RAB3B: variants seen among roughly 807,000 people sequenced by gnomAD.
RAB3B encodes the protein RAB3B, member RAS oncogene family, also known as ras-related protein Rab-3B.
In RAB3B, 11 loss-of-function variants were observed where a neutral mutation model predicts 20.5. The ratio of observed to expected loss-of-function variants is 0.54; its 90% CI spans 0.34 to 0.89. The LOEUF is 0.89. Ranked by LOEUF, RAB3B falls within the 40% of genes least tolerant of loss-of-function variation. RAB3B has a pLI of 0.02. For synonymous variants in RAB3B, 99 were observed against 106.3 expected (o/e 0.93, Z 0.42); for missense variants, 225 against 280.9 (o/e 0.80, Z 1.42).
chr1:51,954,163 G>A (rs952475628), intron 2 of RAB3B, among the ~76,000 whole-genome samples: 2 of 152,232 alleles, frequency 1.3e-5, no homozygotes, highest in Non-Finnish European at 2.9e-5. Flanking sequence ...TGTTGAGAGT[G>A]CCTGACACGT....
chr1:51,938,677 ATTT>A (rs577123717), intron 2 of RAB3B, among the ~76,000 whole-genome samples: 1 of 143,458 alleles, frequency 7.0e-6, no homozygotes. Context: ...TCTTCATGTA[ATTT>A]TTTTTTTTTT....
At position 51,916,898 on chromosome 1, in the gene RAB3B, C is replaced by T. The variant is rs1684093449; in HGVS notation, c.*3029G>A. 6.6e-6 allele frequency: 1 copy of T among 152,130 alleles called. No individual in the cohort carries two copies. The allele number at this position is 152,130 out of a possible 1,614,324, so 9.4% of individuals were successfully genotyped here. ...CTCCAGTGGACTTGGAATCTGATGG[C>T]CCTGGAATTGAATCCTAATGTGGCT... On this transcript the variant is annotated 3_prime_UTR_variant, in exon 5 of 5. Transcript: ENST00000371655.
chr1:51,916,770 C>T lies in RAB3B; in HGVS notation c.*3157G>A, dbSNP rs970012410. On this transcript the variant is annotated 3_prime_UTR_variant, in exon 5 of 5. Transcript: ENST00000371655. Reference sequence around the variant, plus strand: ...CTACCCAGGCCCATGGGATCTGTTGCCTCAGAGACTGACTCGCCTTTCCTG... The same window carrying T: ...CTACCCAGGCCCATGGGATCTGTTGTCTCAGAGACTGACTCGCCTTTCCTG... 2 of 152,338 alleles carry T rather than the reference C, an allele frequency of 1.3e-5. No homozygotes were observed. Among genetic ancestry groups the T allele is most frequent in the Non-Finnish European group, 2.9e-5 (2 of 68,030 alleles). 9.4% of individuals were successfully genotyped at this position (152,338 alleles called of 1,614,324 possible). A position where few individuals can be genotyped will look rare whatever the true frequency, so the allele number is the denominator to read the frequency against.
chr1:51,984,047 G>A (rs1685121344), intron 1 of RAB3B, among the ~76,000 whole-genome samples: 1 of 151,238 alleles, frequency 6.6e-6, no homozygotes, highest in Non-Finnish European at 1.5e-5. Context: ...GGTGAATCAC[G>A]AGGTCAGGAG....
intron 4 of RAB3B, among the ~76,000 whole-genome samples, chr1:51,930,360 A>G (rs917729179): frequency 1.3e-5 from 2 of 152,256 alleles, no homozygotes; most frequent in Non-Finnish European, 2.9e-5. Context: ...AATTAATGCT[A>G]AACATTTCAC....
At chr1:51,957,828 A>T (rs944098446) in intron 2 of RAB3B, among the ~76,000 whole-genome samples, 2 of 152,196 alleles carry the variant, frequency 1.3e-5, no homozygotes, top group African/African-American at 4.8e-5. Context: ...GCTGGAAGGA[A>T]ATTAAAGGGC....
intron 4 of RAB3B, among the ~76,000 whole-genome samples, chr1:51,925,136 C>T (rs1356642465): frequency 1.3e-5 from 2 of 152,196 alleles, no homozygotes; most frequent in Non-Finnish European, 2.9e-5. Flanking sequence ...ACCAGCTAAA[C>T]TCACCTCTCC....
chr1:51,967,515 C>CTTTTTTTTTTTTTTTTTTTTT (rs67927521), intron 2 of RAB3B, among the ~76,000 whole-genome samples: 3 of 16,434 alleles, frequency 1.8e-4, no homozygotes, highest in Admixed American at 1.2e-3. Flanking sequence ...CTTTTCTTTT[C>CTTTTTTTTTTTTTTTTTTTTT]TTTTTCTTTT....
chr1:51,936,373 T>G (rs962765891), intron 3 of RAB3B, among the ~76,000 whole-genome samples: 2 of 152,172 alleles, frequency 1.3e-5, no homozygotes, highest in African/African-American at 4.8e-5. Flanking sequence ...CTTGATGAAC[T>G]TGGACTGTAT....
At chr1:51,971,064 G>T (rs1052814561) in intron 2 of RAB3B, among the ~76,000 whole-genome samples, 1 of 148,700 alleles carries the variant, frequency 6.7e-6, no homozygotes, top group African/African-American at 2.5e-5. Flanking sequence ...CCCCTTCCAT[G>T]TGGACCCAAA....
At chr1:51,942,521 G>A (rs535941500) in intron 2 of RAB3B, among the ~76,000 whole-genome samples, 3 of 152,176 alleles carry the variant, frequency 2.0e-5, no homozygotes, top group African/African-American at 7.2e-5. Context: ...TAGGCTTCTG[G>A]GTGTGAATCC....
At chr1:51,961,049 T>C (rs1469706823) in intron 2 of RAB3B, among the ~76,000 whole-genome samples, 1 of 152,198 alleles carries the variant, frequency 6.6e-6, no homozygotes, top group Non-Finnish European at 1.5e-5. Context: ...TTCAGAGACA[T>C]TACTTATCAC....
At chr1:51,965,578 C>T (rs949747347) in intron 2 of RAB3B, among the ~76,000 whole-genome samples, 6 of 149,974 alleles carry the variant, frequency 4.0e-5, no homozygotes, top group African/African-American at 1.2e-4. Flanking sequence ...ACCCGGGAAG[C>T]GGAGGTTGCA....
chr1:51,986,366 G>A (rs191176301), intron 1 of RAB3B, among the ~76,000 whole-genome samples: 1 of 152,136 alleles, frequency 6.6e-6, no homozygotes, highest in Non-Finnish European at 1.5e-5. Context: ...TAGCCAGGAT[G>A]GTCTCGGTCT....
intron 2 of RAB3B, among the ~76,000 whole-genome samples, chr1:51,940,311 C>T (rs188695663): frequency 5.9e-5 from 9 of 152,154 alleles, no homozygotes; most frequent in African/African-American, 1.7e-4. Context: ...GTCATCAGCA[C>T]CAGATAAGTG....
At chr1:51,957,539 A>G (rs1011825202) in intron 2 of RAB3B, among the ~76,000 whole-genome samples, 2 of 152,234 alleles carry the variant, frequency 1.3e-5, no homozygotes, top group African/African-American at 4.8e-5. Context: ...TCTGAGCTGC[A>G]GATCTGTTAA....
At chr1:51,934,703 G>A (rs1684372698) in intron 3 of RAB3B, among the ~76,000 whole-genome samples, 1 of 149,186 alleles carries the variant, frequency 6.7e-6, no homozygotes, top group African/African-American at 2.5e-5. Context: ...GTGAACCCGG[G>A]AGGTGGAGCT....
rs1683962086 is a variant in RAB3B, at chr1:51,909,078, T to A, written c.*10849A>T. ...AGGCCCAGCATGTAGTGGCTGATTC[T>A]TCTTGGCTGCTTTTAGCCTCCAGAA... is the stretch of plus-strand genomic sequence containing the variant. On this transcript the variant is annotated 3_prime_UTR_variant, in exon 5 of 5. Transcript: ENST00000371655. 1.3e-5 allele frequency: 2 copies of A among 152,330 alleles called. No individual in the cohort carries two copies. The highest frequency in any genetic ancestry group is 1.3e-4 in the Admixed American group (2 of 15,254). The allele number at this position is 152,330 out of a possible 1,614,324, so 9.4% of individuals were successfully genotyped here. A position where few individuals can be genotyped will look rare whatever the true frequency, so the allele number is the denominator to read the frequency against.
At chr1:51,953,364 C>A (rs1454882073) in intron 2 of RAB3B, among the ~76,000 whole-genome samples, 3 of 151,968 alleles carry the variant, frequency 2.0e-5, no homozygotes, top group African/African-American at 7.3e-5. Context: ...GGAAGAGAGC[C>A]AGGAGGAAAA....
Sources: allele counts gnomAD v4.1 joint callset (sites outside exome capture counted in the v4.1 genomes callset), GRCh38; gene constraint gnomAD v4.1.1; transcripts MANE v1.5; gene names NCBI Gene and HGNC (gene_info 2026-07-23, HGNC 2026-07-21).